CPD: variants seen among roughly 807,000 people sequenced by gnomAD.
The protein encoded by CPD is metallocarboxypeptidase D.
CPD carries 69 observed loss-of-function variants against 138.3 expected under a neutral mutation model. That is an observed-to-expected ratio of 0.50 (90% confidence interval 0.41 to 0.61). The LOEUF (loss-of-function observed/expected upper bound fraction) is 0.61. CPD is among the 20% of genes least tolerant of loss of function. The pLI, the probability that CPD is intolerant of heterozygous loss-of-function variation, is 0.00. For missense variants in CPD, 1,432 were observed against 1,733.3 expected (o/e 0.83, Z 3.09); for synonymous variants, 651 against 642.1 (o/e 1.01, Z -0.21).
intron 2 of CPD, among the ~76,000 whole-genome samples, chr17:30,397,884 A>T (rs1488234107): frequency 3.3e-5 from 5 of 151,388 alleles, no homozygotes; most frequent in South Asian, 2.1e-4. Context: ...AGTTTTATTT[A>T]AAAAAAACTG....
chr17:30,427,659 G>C, intron 7 of CPD, 101 bp downstream of exon 7: 2 of 1,056,456 alleles, frequency 1.9e-6, no homozygotes, highest in Non-Finnish European at 2.8e-6. Context: ...CTTAAAATGA[G>C]TATCCTGTTA....
chr17:30,409,958 A>G (rs992003035), intron 2 of CPD, among the ~76,000 whole-genome samples: 3 of 152,086 alleles, frequency 2.0e-5, no homozygotes, highest in Admixed American at 6.5e-5. Flanking sequence ...TAGGGTGTCA[A>G]TTTTAGCTCT....
At chr17:30,390,002 C>T (rs977244890) in intron 2 of CPD, among the ~76,000 whole-genome samples, 1 of 151,968 alleles carries the variant, frequency 6.6e-6, no homozygotes. Flanking sequence ...ATTCAAAAAA[C>T]CCGGATGTCC....
In CPD at chr17:30,462,016, A is replaced by G. The variant is rs752670418; in HGVS notation, c.3770A>G (p.His1257Arg). ...YFHVLLAPGV[H>R]NIIAIADGYQ... ...CATGTACTCTTAGCGCCAGGTGTCC[A>G]TAACATTATTGCCATCGCTGATGGG... Residue 1257 changes from histidine to arginine, a missense_variant, in exon 19 of 21, where the codon CAT becomes CGT. His to Arg is a conservative substitution (Grantham distance 29). Transcript: ENST00000225719. The G allele has an allele frequency of 1.2e-6, 2 of 1,613,888 alleles. No homozygotes were observed. Among genetic ancestry groups the G allele is most frequent in the Non-Finnish European group, 1.7e-6 (2 of 1,179,870 alleles).
At position 30,464,852 on chromosome 17, in the gene CPD, G is replaced by A; in HGVS notation, c.*38G>A. 2 of 1,525,824 alleles carry A rather than the reference G, an allele frequency of 1.3e-6. No individual in the cohort carries two copies. The highest frequency in any genetic ancestry group is 1.8e-6 in the Non-Finnish European group (2 of 1,102,436). 94.5% of individuals were successfully genotyped at this position (1,525,824 alleles called of 1,614,324 possible). A position where few individuals can be genotyped will look rare whatever the true frequency, so the allele number is the denominator to read the frequency against. On this transcript the variant is annotated 3_prime_UTR_variant, in exon 21 of 21. Transcript: ENST00000225719. Reference sequence around the variant, plus strand: ...GCATATCTCCCAGCATAAGTACCAAGCAAAATTACAGTTCCTCTTGGGAGA... The same window carrying A: ...GCATATCTCCCAGCATAAGTACCAAACAAAATTACAGTTCCTCTTGGGAGA...
intron 2 of CPD, among the ~76,000 whole-genome samples, chr17:30,417,139 T>C (rs768381663): frequency 6.6e-6 from 1 of 152,044 alleles, no homozygotes; most frequent in Non-Finnish European, 1.5e-5. Flanking sequence ...CTTCTCACTA[T>C]CTGATATTTT....
chr17:30,439,359 A>G (rs1158845242), intron 9 of CPD, among the ~76,000 whole-genome samples: 1 of 68,410 alleles, frequency 1.5e-5, no homozygotes, highest in East Asian at 4.6e-4. Context: ...TGTAAGCTAT[A>G]TTTGAATTCT....
chr17:30,397,462 G>A (rs1332502755), intron 2 of CPD, among the ~76,000 whole-genome samples: 2 of 152,148 alleles, frequency 1.3e-5, no homozygotes, highest in African/African-American at 4.8e-5. Flanking sequence ...GCTGGGTATG[G>A]TGGCTCAGGC....
At position 30,378,952 on chromosome 17, in the gene CPD, G is replaced by C. The variant is rs188658801; in HGVS notation, c.-29G>C. ...GCCCGGAGCGCTGAGCCGCGGGAGC[G>C]GAGCCGGGGTTAGCGGCGCTGCTGG... On this transcript the variant is annotated 5_prime_UTR_variant, in exon 1 of 21. Transcript: ENST00000225719. 18 of 1,434,796 alleles carry C rather than the reference G, an allele frequency of 1.3e-5. No homozygotes were observed. The highest frequency in any genetic ancestry group is 2.9e-5 in the South Asian group (2 of 68,136). The allele number at this position is 1,434,796 out of a possible 1,614,324, so 88.9% of individuals were successfully genotyped here.
chr17:30,419,917 C>G (rs769626427), intron 2 of CPD, among the ~76,000 whole-genome samples: 2 of 152,166 alleles, frequency 1.3e-5, no homozygotes, highest in Non-Finnish European at 2.9e-5. Context: ...TCTGAAGGAT[C>G]CTGTGTGACA....
intron 7 of CPD, among the ~76,000 whole-genome samples, chr17:30,428,543 G>A (rs1228585668): frequency 6.6e-6 from 1 of 152,130 alleles, no homozygotes; most frequent in African/African-American, 2.4e-5. Context: ...CTACAACATA[G>A]ATCCTTGAAA....
chr17:30,457,771 TC>T (rs1913339748), intron 17 of CPD, among the ~76,000 whole-genome samples: 1 of 151,818 alleles, frequency 6.6e-6, no homozygotes, highest in Admixed American at 6.6e-5. Context: ...GCCCAAGCAA[TC>T]CCCCCACCTC....
intron 12 of CPD, among the ~76,000 whole-genome samples, chr17:30,447,004 C>T (rs1913050135): frequency 6.6e-6 from 1 of 152,088 alleles, no homozygotes; most frequent in Non-Finnish European, 1.5e-5. Context: ...TATCCTTCAC[C>T]CACTTTTTGA....
At chr17:30,448,958 A>G (rs1263026339) in intron 12 of CPD, among the ~76,000 whole-genome samples, 17 of 151,986 alleles carry the variant, frequency 1.1e-4, no homozygotes, top group Admixed American at 1.1e-3. Context: ...TTTTTAAAAA[A>G]TTAGCTAGGC....
intron 11 of CPD, 132 bp downstream of exon 11, chr17:30,444,103 GTTATACC>G: frequency 1.2e-6 from 1 of 814,670 alleles, no homozygotes; most frequent in South Asian, 2.2e-5. Context: ...TTTAGGGCTG[GTTATACC>G]TTTGACTCTC....
intron 7 of CPD, among the ~76,000 whole-genome samples, chr17:30,428,381 A>T (rs139688648): frequency 6.6e-6 from 1 of 152,236 alleles, no homozygotes; most frequent in African/African-American, 2.4e-5. Context: ...TGAATGTTCA[A>T]TGTACATGAA....
intron 4 of CPD, 22 bp from the exon 5 acceptor site, chr17:30,422,652 C>T (rs778903329): frequency 7.2e-6 from 11 of 1,535,854 alleles, no homozygotes; most frequent in Non-Finnish European, 9.7e-6. Context: ...AAACCATTTA[C>T]TTTTTCAAAT....
At chr17:30,423,483 C>T in intron 5 of CPD, 23 bp from the exon 6 acceptor site, 2 of 1,458,890 alleles carry the variant, frequency 1.4e-6, no homozygotes, top group Non-Finnish European at 1.8e-6. Context: ...AAAAAGCCTT[C>T]CATGTAATTA....
chr17:30,404,063 A>C (rs181011422), intron 2 of CPD, among the ~76,000 whole-genome samples: 36 of 152,294 alleles, frequency 2.4e-4, no homozygotes, highest in African/African-American at 7.9e-4. Context: ...AGGCAGAAAT[A>C]TAGGGAAAGA....
Sources: allele counts gnomAD v4.1 joint callset (sites outside exome capture counted in the v4.1 genomes callset), GRCh38; gene constraint gnomAD v4.1.1; transcripts MANE v1.5; gene names NCBI Gene and HGNC (gene_info 2026-07-23, HGNC 2026-07-21).